The following DOCK9 variants were observed in gnomAD, a reference collection of about 807,000 sequenced individuals.
The protein encoded by DOCK9 is dedicator of cytokinesis 9, also known as dedicator of cytokinesis protein 9.
A neutral mutation model predicts 263.3 loss-of-function variants in DOCK9; 89 were observed. The observed-to-expected ratio is 0.34, with a 90% CI of 0.28 to 0.40. DOCK9 has a LOEUF of 0.40. DOCK9 is among the 10% of genes least tolerant of loss of function. The pLI is 1.00. For synonymous variants in DOCK9, 976 were observed against 973.1 expected (o/e 1.00, Z -0.06); for missense variants, 2,140 against 2,603.4 (o/e 0.82, Z 3.87).
intron 7 of DOCK9, among the ~76,000 whole-genome samples, chr13:98,917,167 G>A (rs1355524858): frequency 2.0e-5 from 3 of 152,174 alleles, no homozygotes; most frequent in African/African-American, 7.2e-5. Context: ...CTAATTGATA[G>A]CTCAGGGCAG....
At chr13:98,904,514 ATAGT>A (rs748128606) in intron 10 of DOCK9, 114 bp downstream of exon 10, 16 of 728,406 alleles carry the variant, frequency 2.2e-5, no homozygotes, top group African/African-American at 7.1e-5. Context: ...CAAATTTTCT[ATAGT>A]TATTTTGCTT....
At chr13:98,887,145 T>TATGTATATATATATATATATATA (rs1566858396) in intron 18 of DOCK9, among the ~76,000 whole-genome samples, 1 of 27,114 alleles carries the variant, frequency 3.7e-5, no homozygotes, top group Non-Finnish European at 7.0e-5. Flanking sequence ...ATATATATAT[T>TATGTATATATATATATATATATA]TTTTTTTTTT....
intron 1 of DOCK9, among the ~76,000 whole-genome samples, chr13:98,984,994 G>A (rs975298288): frequency 1.3e-5 from 2 of 151,110 alleles, no homozygotes; most frequent in Non-Finnish European, 2.9e-5. Flanking sequence ...ACAGAGCAGG[G>A]GCTGAGCCAA....
intron 3 of DOCK9, among the ~76,000 whole-genome samples, chr13:98,928,860 T>C (rs1356662727): frequency 6.6e-6 from 1 of 152,190 alleles, no homozygotes; most frequent in Non-Finnish European, 1.5e-5. Flanking sequence ...GCTGTATTTG[T>C]CTGGAATTAA....
chr13:99,005,007 A>T (rs1358176235), intron 1 of DOCK9, among the ~76,000 whole-genome samples: 1 of 151,930 alleles, frequency 6.6e-6, no homozygotes, highest in Non-Finnish European at 1.5e-5. Context: ...TTGTTTGGAA[A>T]CTCTGCTAGC....
chr13:99,086,299 CG>C lies in DOCK9; in HGVS notation c.52del (p.Arg18GlyfsTer3). 1 of 1,490,202 alleles carries C rather than the reference CG, an allele frequency of 6.7e-7. No individual in the cohort carries two copies. The allele number at this position is 1,490,202 out of a possible 1,614,324, so 92.3% of individuals were successfully genotyped here. On this transcript the variant is annotated frameshift_variant, in exon 1 of 33. Coordinates refer to the DOCK9 transcript ENST00000427887. LOFTEE classifies it high-confidence loss of function. The stretch of plus-strand genomic sequence containing the variant: ...CGCCGTGCCCGGCTTACTCAGCGCC[CG>C]GGTGAACTTCCGAGTCTCCGCCGAG...
At position 98,993,373 on chromosome 13, in the gene DOCK9, G is replaced by A. The variant is rs372923308; in HGVS notation, c.130-37822C>T. 9.2e-5 allele frequency among the ~76,000 whole-genome samples: 14 copies of A among 152,142 alleles called. No individual in the cohort carries two copies. In the East Asian group the frequency reaches 9.6e-4, roughly 10 times the overall value. The stretch of plus-strand genomic sequence containing the variant: ...AAACAATTTAAGCAGAGTAACATTC[G>A]CCTTCAAATCTACTTCACAGCAGCC... On this transcript the variant is annotated intron_variant, in intron 1 of 32. Transcript: ENST00000427887.
At chr13:98,828,283 C>T (rs1594413122) in intron 43 of DOCK9, among the ~76,000 whole-genome samples, 1 of 152,186 alleles carries the variant, frequency 6.6e-6, no homozygotes, top group Non-Finnish European at 1.5e-5. Flanking sequence ...GTTATGGCAG[C>T]CATGTAAAAC....
At chr13:98,998,462 T>C (rs889193683) in intron 1 of DOCK9, among the ~76,000 whole-genome samples, 1 of 152,200 alleles carries the variant, frequency 6.6e-6, no homozygotes, top group African/African-American at 2.4e-5. Context: ...ACAGCACTCA[T>C]GGCCTTGGTT....
chr13:98,975,399 A>G (rs1410661888), intron 1 of DOCK9, among the ~76,000 whole-genome samples: 1 of 151,958 alleles, frequency 6.6e-6, no homozygotes, highest in African/African-American at 2.4e-5. Context: ...TATGGTGACA[A>G]AAGATGTTAC....
chr13:98,900,166 TA>T (rs11342118), intron 13 of DOCK9, among the ~76,000 whole-genome samples: 113,390 of 152,058 alleles, frequency 0.75, 42,651 homozygotes, highest in Middle Eastern at 0.9. Context: ...TTACATTCCA[TA>T]AAAAAATGAA....
chr13:98,805,248 T>C (rs1414747321), intron 48 of DOCK9, 39 bp from the exon 49 acceptor site: 10 of 1,517,230 alleles, frequency 6.6e-6, no homozygotes, highest in Non-Finnish European at 9.0e-6. Flanking sequence ...TGGTGCTCCA[T>C]GAAGGAATCA....
chr13:99,066,541 T>C (rs2041426099), intron 1 of DOCK9, among the ~76,000 whole-genome samples: 1 of 152,198 alleles, frequency 6.6e-6, no homozygotes, highest in Non-Finnish European at 1.5e-5. Context: ...TATGTTAATA[T>C]ACTATATTAT....
In DOCK9 at chr13:98,850,391, G is replaced by A. The variant is rs1431601429; in HGVS notation, c.3947-278C>T. Among the ~76,000 whole-genome samples the A allele has an allele frequency of 3.9e-5, 6 of 152,116 alleles. No homozygotes were observed. In the East Asian group the frequency reaches 5.8e-4, roughly 15 times the overall value. The stretch of plus-strand genomic sequence containing the variant: ...GGCATAATGCTCATTTAACTTATTC[G>A]TAACATGCTCTTAAATAGACTAGAA... On this transcript the variant is annotated intron_variant, in intron 35 of 52. Transcript: ENST00000682017.
intron 1 of DOCK9, among the ~76,000 whole-genome samples, chr13:99,020,130 G>A (rs1023165132): frequency 8.5e-5 from 13 of 152,084 alleles, no homozygotes; most frequent in African/African-American, 3.1e-4. Flanking sequence ...AAGAATGAGG[G>A]TGGGGAGAAT....
rs144654060 is a variant in DOCK9, at chr13:98,832,618, A to G, written c.4315-832T>C. On this transcript the variant is annotated intron_variant, in intron 39 of 52. Coordinates refer to ENST00000682017, the MANE Select transcript of DOCK9 (RefSeq NM_001366683.2). ...GCCTGGTTGGCTACAACTCCCATCA[A>G]CTGTAGAATATACACAGCAGCTAGA... is the stretch of plus-strand genomic sequence containing the variant. Among the ~76,000 whole-genome samples the G allele has an allele frequency of 1.7e-3, 262 of 152,348 alleles. 1 individual carries two copies. Among genetic ancestry groups the G allele is most frequent in the African/African-American group, 6.0e-3 (249 of 41,584 alleles).
At chr13:98,817,032 C>T (rs2091913406) in intron 45 of DOCK9, among the ~76,000 whole-genome samples, 2 of 151,992 alleles carry the variant, frequency 1.3e-5, no homozygotes, top group African/African-American at 4.8e-5. Context: ...CCATAACAGA[C>T]AATAAGGTAT....
intron 1 of DOCK9, among the ~76,000 whole-genome samples, chr13:99,016,956 C>T (rs562146098): frequency 4.6e-5 from 7 of 152,240 alleles, no homozygotes; most frequent in South Asian, 2.1e-4. Context: ...GAATACCATC[C>T]GGGCACGTGA....
intron 1 of DOCK9, among the ~76,000 whole-genome samples, chr13:99,077,434 C>T (rs1261016485): frequency 6.6e-6 from 1 of 152,152 alleles, no homozygotes. Flanking sequence ...GGAGATGTGC[C>T]TGTTTCCCCT....
Sources: gnomAD v4.1 joint callset for allele counts (sites outside exome capture counted in the v4.1 genomes callset) on GRCh38, gnomAD v4.1.1 for gene constraint, MANE v1.5 for transcripts, NCBI Gene and HGNC (gene_info 2026-07-23, HGNC 2026-07-21) for gene names.